CLMP: variants seen among roughly 807,000 people sequenced by gnomAD.
The protein encoded by CLMP is CXADR-like membrane protein.
Under a neutral mutation model 45.2 loss-of-function variants are expected in CLMP, and 27 were observed. The observed-to-expected ratio is 0.60, with a 90% CI of 0.44 to 0.82. CLMP has a LOEUF of 0.82. Ranked by LOEUF, CLMP falls within the 40% of genes least tolerant of loss-of-function variation. CLMP has a pLI of 0.00. For missense variants in CLMP, 403 were observed against 448.4 expected (o/e 0.90, Z 0.91); for synonymous variants, 167 against 171.4 (o/e 0.97, Z 0.20).
At chr11:123,104,601 G>A (rs538653478) in intron 1 of CLMP, among the ~76,000 whole-genome samples, 2 of 151,616 alleles carry the variant, frequency 1.3e-5, no homozygotes, top group African/African-American at 2.4e-5. Flanking sequence ...GGCCAGGCTC[G>A]TCTCGAATTC....
At chr11:123,124,075 A>G (rs970422778) in intron 1 of CLMP, among the ~76,000 whole-genome samples, 1 of 152,224 alleles carries the variant, frequency 6.6e-6, no homozygotes. Context: ...GGAAACTTCT[A>G]GGTAAATATT....
At chr11:123,104,296 G>A (rs1223800561) in intron 1 of CLMP, among the ~76,000 whole-genome samples, 6 of 151,330 alleles carry the variant, frequency 4.0e-5, no homozygotes, top group Admixed American at 4.0e-4. Context: ...GACCAGGCTG[G>A]TCTCAAACTC....
chr11:123,188,816 C>T (rs1861866297), intron 1 of CLMP: 1 of 152,182 alleles, frequency 6.6e-6, no homozygotes. Context: ...TTCCAGTATC[C>T]AGACATCCAG....
intron 1 of CLMP, among the ~76,000 whole-genome samples, chr11:123,149,608 T>C (rs144760235): frequency 5.1e-4 from 77 of 152,252 alleles, no homozygotes; most frequent in Middle Eastern, 3.4e-3. Flanking sequence ...GTTTGGTCAA[T>C]CTTGAGTTCT....
chr11:123,127,026 ATAAT>A (rs747851729), intron 1 of CLMP, among the ~76,000 whole-genome samples: 1 of 152,164 alleles, frequency 6.6e-6, no homozygotes. Flanking sequence ...TAAGTTAAAT[ATAAT>A]TAAGTGTATA....
intron 1 of CLMP, among the ~76,000 whole-genome samples, chr11:123,131,637 T>C (rs1238403726): frequency 1.3e-5 from 2 of 152,010 alleles, no homozygotes; most frequent in African/African-American, 4.8e-5. Flanking sequence ...TTTTTTGAAA[T>C]GGAGTTTCGC....
intron 1 of CLMP, among the ~76,000 whole-genome samples, chr11:123,123,320 T>C (rs1338024629): frequency 2.7e-5 from 4 of 146,334 alleles, no homozygotes; most frequent in African/African-American, 5.1e-5. Flanking sequence ...AGTGCAGTGG[T>C]GTGATCTTGG....
chr11:123,124,973 T>G (rs1191836339), intron 1 of CLMP, among the ~76,000 whole-genome samples: 2 of 152,192 alleles, frequency 1.3e-5, no homozygotes, highest in African/African-American at 4.8e-5. Flanking sequence ...CCCGGTTCAC[T>G]GCAACATTTG....
At chr11:123,153,848 T>C (rs1266983845) in intron 1 of CLMP, among the ~76,000 whole-genome samples, 2 of 63,588 alleles carry the variant, frequency 3.1e-5, no homozygotes, top group East Asian at 3.8e-4. Context: ...ATGCCTCACT[T>C]TTTTTTTTTT....
At chr11:123,141,633 T>A (rs1357133419) in intron 1 of CLMP, among the ~76,000 whole-genome samples, 2 of 152,126 alleles carry the variant, frequency 1.3e-5, no homozygotes, top group African/African-American at 4.8e-5. Context: ...TAAACCTAGG[T>A]CTCTTCCTAA....
At position 123,093,362 on chromosome 11, in the gene CLMP, G is replaced by A. The variant is rs74524265; in HGVS notation, c.186+4433C>T. On this transcript the variant is annotated intron_variant, in intron 2 of 6. Transcript: ENST00000448775. ...ATTGCAAGATACTATTTTTTGCGGGGTGGGGATGGAGTCTCACTCTGTCAC... is the reference window on the plus strand; with the variant it reads ...ATTGCAAGATACTATTTTTTGCGGGATGGGGATGGAGTCTCACTCTGTCAC... Among the ~76,000 whole-genome samples, 191 of 151,716 alleles carry A rather than the reference G, an allele frequency of 1.3e-3. 3 individuals carry two copies. The East Asian group carries it at 0.029, about 23-fold the overall frequency.
At chr11:123,194,891 C>A in intron 1 of CLMP, 22 bp downstream of exon 1, 1 of 1,613,416 alleles carries the variant, frequency 6.2e-7, no homozygotes, top group South Asian at 1.1e-5. Context: ...ATCCAAACTC[C>A]CGCCCTCCCA....
intron 3 of CLMP, 74 bp from the exon 4 acceptor site, chr11:123,083,921 T>C (rs984439401): frequency 8.4e-6 from 13 of 1,549,896 alleles, no homozygotes; most frequent in African/African-American, 1.4e-5. Context: ...GGAAAAATTA[T>C]GTCCTATTGA....
chr11:123,158,737 G>A (rs1460675100), intron 1 of CLMP, among the ~76,000 whole-genome samples: 1 of 152,214 alleles, frequency 6.6e-6, no homozygotes, highest in Non-Finnish European at 1.5e-5. Context: ...ACCTGGGTTT[G>A]AAATCTGATT....
In CLMP at chr11:123,142,712, C is replaced by T. The variant is rs896217543; in HGVS notation, c.29-44760G>A. ...CGCAATCTCGGCTCACTGCAAGCTC[C>T]GCTTCCCGGGTTCACGCCATTCTCC... is the stretch of plus-strand genomic sequence containing the variant. On this transcript the variant is annotated intron_variant, in intron 1 of 6. Coordinates refer to ENST00000448775, the MANE Select transcript of CLMP (RefSeq NM_024769.5). 1.1e-4 allele frequency among the ~76,000 whole-genome samples: 15 copies of T among 136,786 alleles called. No individual in the cohort carries two copies. The East Asian group carries it at 1.1e-3, about 10-fold the overall frequency. 89.7% of individuals were successfully genotyped at this position (136,786 alleles called of 152,430 possible).
Position 123,111,373 on chromosome 11 carries a change from G to A in CLMP, c.29-13421C>T, listed in dbSNP as rs145478202. Among the ~76,000 whole-genome samples the A allele has an allele frequency of 8.4e-4, 127 of 152,014 alleles. 1 individual carries two copies. In the East Asian group the frequency reaches 0.024, roughly 29 times the overall value. ...ATGGAACTCCTGACCTCAGGTGATC[G>A]GCCCACCGCAGCCTCCCAAAGTGCT... On this transcript the variant is annotated intron_variant, in intron 1 of 6. Coordinates refer to ENST00000448775, the MANE Select transcript of CLMP (RefSeq NM_024769.5).
chr11:123,170,047 C>G (rs926430465), intron 1 of CLMP, among the ~76,000 whole-genome samples: 2 of 152,030 alleles, frequency 1.3e-5, no homozygotes, highest in African/African-American at 4.8e-5. Context: ...TAAAAAGGTG[C>G]CAGACTTTTA....
At chr11:123,096,844 T>G (rs956331057) in intron 2 of CLMP, among the ~76,000 whole-genome samples, 2 of 152,190 alleles carry the variant, frequency 1.3e-5, no homozygotes, top group African/African-American at 4.8e-5. Context: ...AGTGTCTGGG[T>G]CTGTTGCCCA....
intron 1 of CLMP, among the ~76,000 whole-genome samples, chr11:123,151,074 G>A (rs868123060): frequency 2.0e-5 from 3 of 152,178 alleles, no homozygotes; most frequent in Middle Eastern, 3.2e-3. Flanking sequence ...TGTTTCGGTG[G>A]CTCCTGCCAC....
Sources: gnomAD v4.1 joint callset for allele counts (sites outside exome capture counted in the v4.1 genomes callset) on GRCh38, gnomAD v4.1.1 for gene constraint, MANE v1.5 for transcripts, NCBI Gene and HGNC (gene_info 2026-07-23, HGNC 2026-07-21) for gene names.